The following DNAJB6 variants were observed in gnomAD, a reference collection of about 807,000 sequenced individuals.
DNAJB6 encodes dnaJ homolog subfamily B member 6.
Under a neutral mutation model 42.7 loss-of-function variants are expected in DNAJB6, and 16 were observed. That is an observed-to-expected ratio of 0.37 (90% CI 0.25 to 0.57). DNAJB6 has a LOEUF of 0.57. Among genes scored for constraint, DNAJB6 ranks in the 20% least tolerant of loss-of-function variants. The pLI is 0.74. For missense variants in DNAJB6, 347 were observed against 416.8 expected (o/e 0.83, Z 1.46); for synonymous variants, 170 against 163.5 (o/e 1.04, Z -0.30).
chr7:157,369,912 C>T (rs1254594324), intron 5 of DNAJB6, among the ~76,000 whole-genome samples: 1 of 147,708 alleles, frequency 6.8e-6, no homozygotes, highest in African/African-American at 2.5e-5. Context: ...ATTAAACAGG[C>T]CCCTTCTTAA....
chr7:157,353,586 G>GGGGTGT (rs375917916), intron 1 of DNAJB6, among the ~76,000 whole-genome samples: 3 of 140,038 alleles, frequency 2.1e-5, no homozygotes, highest in South Asian at 2.3e-4. Flanking sequence ...TCTTGACCGG[G>GGGGTGT]GTGTGTGTGT....
intron 1 of DNAJB6, among the ~76,000 whole-genome samples, chr7:157,347,601 CTG>C (rs1798752877): frequency 6.6e-6 from 1 of 152,192 alleles, no homozygotes; most frequent in African/African-American, 2.4e-5. Context: ...CACAGAATGA[CTG>C]TGATGGAATA....
At chr7:157,399,579 G>A (rs1053851089) in intron 8 of DNAJB6, among the ~76,000 whole-genome samples, 10 of 152,206 alleles carry the variant, frequency 6.6e-5, no homozygotes, top group Admixed American at 4.6e-4. Flanking sequence ...GGAGTGGGCC[G>A]TGCCCTCTAG....
At chr7:157,385,096 T>G in intron 7 of DNAJB6, 88 bp downstream of exon 7, 1 of 1,393,058 alleles carries the variant, frequency 7.2e-7, no homozygotes, top group Non-Finnish European at 9.8e-7. Context: ...GAGTGTGAAG[T>G]AGAGGTTGTT....
chr7:157,393,214 T>G (rs1801430726), intron 8 of DNAJB6, among the ~76,000 whole-genome samples: 2 of 152,164 alleles, frequency 1.3e-5, no homozygotes, highest in African/African-American at 2.4e-5. Flanking sequence ...GACCTCGAGT[T>G]ATCCCGCCCT....
intron 1 of DNAJB6, among the ~76,000 whole-genome samples, chr7:157,346,557 T>G (rs1364075119): frequency 6.6e-6 from 1 of 152,114 alleles, no homozygotes; most frequent in Admixed American, 6.6e-5. Flanking sequence ...AAACACTGTT[T>G]TTGAGAGGTC....
chr7:157,338,493 C>T (rs1346901497), intron 1 of DNAJB6, among the ~76,000 whole-genome samples: 1 of 152,178 alleles, frequency 6.6e-6, no homozygotes, highest in Non-Finnish European at 1.5e-5. Flanking sequence ...GCCACCATGT[C>T]CGACTAATTT....
intron 8 of DNAJB6, among the ~76,000 whole-genome samples, chr7:157,389,233 T>C (rs1015453830): frequency 2.6e-5 from 4 of 152,240 alleles, no homozygotes; most frequent in African/African-American, 9.6e-5. Context: ...CTTCTAGATA[T>C]CATTTCTTTC....
intron 8 of DNAJB6, among the ~76,000 whole-genome samples, chr7:157,403,178 A>AC (rs1263544850): frequency 6.8e-4 from 103 of 152,270 alleles, no homozygotes; most frequent in African/African-American, 2.3e-3. Flanking sequence ...TGAGTCTCTG[A>AC]TCAGCCTTTC....
At chr7:157,377,275 G>A (rs560465958) in intron 5 of DNAJB6, among the ~76,000 whole-genome samples, 1 of 152,248 alleles carries the variant, frequency 6.6e-6, no homozygotes, top group African/African-American at 2.4e-5. Context: ...AATTTCAAAT[G>A]GTTTGTAGGG....
chr7:157,396,156 C>T (rs1225326718), intron 8 of DNAJB6, among the ~76,000 whole-genome samples: 2 of 152,030 alleles, frequency 1.3e-5, no homozygotes, highest in African/African-American at 4.8e-5. Flanking sequence ...ACTATGTTGC[C>T]CAGGCTGGTC....
At chr7:157,342,250 C>G (rs547470797) in intron 1 of DNAJB6, among the ~76,000 whole-genome samples, 2 of 152,036 alleles carry the variant, frequency 1.3e-5, no homozygotes, top group Non-Finnish European at 2.9e-5. Context: ...TCACCCCAGC[C>G]TCCGCCTCCT....
chr7:157,371,170 A>G (rs1191177302), intron 5 of DNAJB6, among the ~76,000 whole-genome samples: 1 of 152,120 alleles, frequency 6.6e-6, no homozygotes, highest in African/African-American at 2.4e-5. Flanking sequence ...ACCCCAACCC[A>G]TCACCCACTG....
At chr7:157,355,985 C>T (rs1418484472) in intron 1 of DNAJB6, among the ~76,000 whole-genome samples, 1 of 152,252 alleles carries the variant, frequency 6.6e-6, no homozygotes, top group Non-Finnish European at 1.5e-5. Context: ...CTCCCATTCC[C>T]ACCACCATAT....
chr7:157,388,654 G>A (rs1279649288), intron 8 of DNAJB6, among the ~76,000 whole-genome samples: 2 of 151,192 alleles, frequency 1.3e-5, no homozygotes, highest in Non-Finnish European at 2.9e-5. Flanking sequence ...GGGGGTAAGT[G>A]GTTTTTGGTG....
chr7:157,374,959 C>T (rs1416083604), intron 5 of DNAJB6, among the ~76,000 whole-genome samples: 1 of 152,226 alleles, frequency 6.6e-6, no homozygotes, highest in Non-Finnish European at 1.5e-5. Context: ...TTCGCATCAT[C>T]TGTTTCCAGT....
At chr7:157,366,653 G>C (rs540049335) in intron 4 of DNAJB6, 92 bp downstream of exon 4, 28 of 1,193,150 alleles carry the variant, frequency 2.3e-5, no homozygotes, top group Non-Finnish European at 3.3e-5. Flanking sequence ...AGTCGATTTT[G>C]TATCAGTAAA....
At position 157,384,899 on chromosome 7, in the gene DNAJB6, G is replaced by C. The variant is rs1197534894; in HGVS notation, c.511G>C (p.Gly171Arg). The C allele has an allele frequency of 6.2e-7, 1 of 1,613,076 alleles. No homozygotes were observed. The highest frequency in any genetic ancestry group is 8.5e-7 in the Non-Finnish European group (1 of 1,179,778). Residue 171 changes from glycine (G) to arginine (R), a missense_variant, in exon 7 of 10, where the codon GGC (glycine) becomes CGC (arginine). By Grantham distance (125) the Gly-to-Arg change is moderately radical (BLOSUM62 -2). This residue lies in a region of DNAJB6 where 264 missense variants were observed against 288.0 expected (regional missense o/e 0.92). Transcript: ENST00000262177. ...FTSFGSLGHG[G>R]LTSFSSTSFG... ...TTCATTTGGGTCACTAGGTCACGGG[G>C]GCCTCACTTCATTCTCTTCCACGTC... is the stretch of plus-strand genomic sequence containing the variant.
At chr7:157,382,048 G>A (rs1460820254) in intron 5 of DNAJB6, 198 bp from the exon 6 acceptor site, 1 of 477,194 alleles carries the variant, frequency 2.1e-6, no homozygotes, top group Non-Finnish European at 3.6e-6. Context: ...TGTAGTTTTA[G>A]TTGAATTAAA....
Sources: allele counts gnomAD v4.1 joint callset (sites outside exome capture counted in the v4.1 genomes callset), GRCh38; gene constraint gnomAD v4.1.1; regional missense constraint gnomAD v4.1.1; transcripts MANE v1.5; gene names NCBI Gene and HGNC (gene_info 2026-07-23, HGNC 2026-07-21).